LSAMP: variants seen among roughly 807,000 people sequenced by gnomAD.
LSAMP encodes the protein limbic system associated membrane protein, also known as limbic system-associated membrane protein.
Under a neutral mutation model 38.6 loss-of-function variants are expected in LSAMP, and 7 were observed. The ratio of observed to expected loss-of-function variants is 0.18; its 90% CI spans 0.10 to 0.34. LSAMP has a LOEUF of 0.34. Ranked by LOEUF, LSAMP falls within the 10% of genes least tolerant of loss-of-function variation. The pLI, the probability that LSAMP is intolerant of heterozygous loss-of-function variation, is 1.00. For missense variants in LSAMP, 313 were observed against 420.0 expected (o/e 0.75, Z 2.23); for synonymous variants, 154 against 166.8 (o/e 0.92, Z 0.59).
intron 3 of LSAMP, among the ~76,000 whole-genome samples, chr3:115,965,300 C>T (rs1224949895): frequency 6.6e-6 from 1 of 151,876 alleles, no homozygotes; most frequent in African/African-American, 2.4e-5. Context: ...AACAATTGTG[C>T]TGAGACTATT....
Position 116,359,179 on chromosome 3 carries a change from A to G in LSAMP, c.155+85698T>C, listed in dbSNP as rs993711970. The stretch of plus-strand genomic sequence containing the variant: ...ACTTTTTGGTTGAGTCTTTTCTAAG[A>G]TAAAATACATTTGTACTATGTGTAT... On this transcript the variant is annotated intron_variant, in intron 1 of 6. Transcript: ENST00000490035. 3.3e-5 allele frequency among the ~76,000 whole-genome samples: 5 copies of G among 152,240 alleles called. No homozygotes were observed. In the East Asian group the frequency reaches 9.6e-4, roughly 29 times the overall value.
At chr3:116,226,973 A>T (rs992915084) in intron 1 of LSAMP, among the ~76,000 whole-genome samples, 17 of 152,182 alleles carry the variant, frequency 1.1e-4, no homozygotes, top group African/African-American at 4.1e-4. Context: ...CCAACATTTT[A>T]TTCTGATTTT....
intron 1 of LSAMP, among the ~76,000 whole-genome samples, chr3:116,246,350 A>T (rs1576457481): frequency 3.3e-5 from 5 of 152,216 alleles, no homozygotes; most frequent in Middle Eastern, 3.4e-3. Flanking sequence ...TATATTAAAA[A>T]TTTTTCATAT....
intron 3 of LSAMP, among the ~76,000 whole-genome samples, chr3:115,964,024 A>C (rs977203756): frequency 2.6e-5 from 4 of 152,160 alleles, no homozygotes; most frequent in African/African-American, 9.7e-5. Flanking sequence ...AAGTGCTGTG[A>C]TTACAGGTGT....
At chr3:116,145,310 T>C (rs1236676492) in intron 1 of LSAMP, among the ~76,000 whole-genome samples, 1 of 151,864 alleles carries the variant, frequency 6.6e-6, no homozygotes, top group Non-Finnish European at 1.5e-5. Flanking sequence ...CCAGAACTAA[T>C]AGCTTATATA....
chr3:115,899,205 C>G (rs1398916398), intron 3 of LSAMP, among the ~76,000 whole-genome samples: 1 of 152,052 alleles, frequency 6.6e-6, no homozygotes, highest in Non-Finnish European at 1.5e-5. Context: ...TCCTTTCAAA[C>G]AGTTTTTTTC....
At chr3:116,285,485 A>C (rs2047183341) in intron 1 of LSAMP, among the ~76,000 whole-genome samples, 1 of 151,914 alleles carries the variant, frequency 6.6e-6, no homozygotes, top group African/African-American at 2.4e-5. Context: ...TGCATGGCTC[A>C]TTCCCTCTTC....
At chr3:116,062,525 T>G (rs535683696) in intron 2 of LSAMP, among the ~76,000 whole-genome samples, 1 of 151,642 alleles carries the variant, frequency 6.6e-6, no homozygotes, top group Non-Finnish European at 1.5e-5. Context: ...CAAAAAAAAA[T>G]TAAAAATTAA....
chr3:115,865,995 T>A (rs545511242), intron 3 of LSAMP, among the ~76,000 whole-genome samples: 1 of 152,298 alleles, frequency 6.6e-6, no homozygotes, highest in African/African-American at 2.4e-5. Flanking sequence ...GGGTAGCACT[T>A]CGTGTCACAT....
chr3:115,916,635 G>T (rs1013510145), intron 3 of LSAMP, among the ~76,000 whole-genome samples: 1 of 151,998 alleles, frequency 6.6e-6, no homozygotes, highest in Admixed American at 6.6e-5. Flanking sequence ...AACTTTCCAG[G>T]TATTGTAGCC....
chr3:116,330,552 C>G (rs1054387152), intron 1 of LSAMP, among the ~76,000 whole-genome samples: 1 of 152,052 alleles, frequency 6.6e-6, no homozygotes, highest in African/African-American at 2.4e-5. Flanking sequence ...GCATGCTCCC[C>G]CCCCCACAAC....
At chr3:115,812,521 C>G (rs1933871263) in intron 6 of LSAMP, among the ~76,000 whole-genome samples, 1 of 152,154 alleles carries the variant, frequency 6.6e-6, no homozygotes, top group Non-Finnish European at 1.5e-5. Flanking sequence ...TTCAAGCTCT[C>G]TTAGTGGCAA....
At chr3:116,076,612 T>C (rs1413062366) in intron 2 of LSAMP, among the ~76,000 whole-genome samples, 2 of 152,198 alleles carry the variant, frequency 1.3e-5, no homozygotes, top group African/African-American at 2.4e-5. Context: ...ATAATTAATT[T>C]GATAAATTTG....
At chr3:116,429,558 G>A (rs1012025981) in intron 1 of LSAMP, among the ~76,000 whole-genome samples, 2 of 152,142 alleles carry the variant, frequency 1.3e-5, no homozygotes, top group Non-Finnish European at 2.9e-5. Context: ...CCTCAATTTA[G>A]AAATAACAGA....
intron 6 of LSAMP, among the ~76,000 whole-genome samples, chr3:115,812,093 C>T (rs777459379): frequency 6.6e-6 from 1 of 152,206 alleles, no homozygotes. Context: ...GAGACAACTA[C>T]TATCATTGCA....
In LSAMP at chr3:116,435,353, T is replaced by C. The variant is rs570072927; in HGVS notation, c.155+9524A>G. On this transcript the variant is annotated intron_variant, in intron 1 of 6. Coordinates refer to ENST00000490035, the MANE Select transcript of LSAMP (RefSeq NM_002338.5). The stretch of plus-strand genomic sequence containing the variant: ...GGACTCTGTTCCTTTCCTGAACTCC[T>C]GGGGCTTGTAACTGAGTCTTCACCA... 2.0e-5 allele frequency among the ~76,000 whole-genome samples: 3 copies of C among 152,304 alleles called. No individual in the cohort carries two copies. The South Asian group carries it at 6.2e-4, about 32-fold the overall frequency.
intron 1 of LSAMP, among the ~76,000 whole-genome samples, chr3:116,368,825 T>C (rs890561262): frequency 6.6e-6 from 1 of 152,242 alleles, no homozygotes; most frequent in African/African-American, 2.4e-5. Flanking sequence ...TAGGGTTGTT[T>C]CTAAGTCTTC....
chr3:116,186,405 A>G (rs190893146), intron 1 of LSAMP, among the ~76,000 whole-genome samples: 1 of 152,232 alleles, frequency 6.6e-6, no homozygotes, highest in Admixed American at 6.5e-5. Context: ...TGAGTGATAC[A>G]GGGTACATTT....
At chr3:115,969,384 G>A (rs1283926740) in intron 3 of LSAMP, among the ~76,000 whole-genome samples, 2 of 152,160 alleles carry the variant, frequency 1.3e-5, no homozygotes, top group Non-Finnish European at 2.9e-5. Context: ...TGTGTGTGAA[G>A]TGAATCTGTC....
Sources: gnomAD v4.1 joint callset for allele counts (sites outside exome capture counted in the v4.1 genomes callset) on GRCh38, gnomAD v4.1.1 for gene constraint, MANE v1.5 for transcripts, NCBI Gene and HGNC (gene_info 2026-07-23, HGNC 2026-07-21) for gene names.